Variants in ATAD2 observed in about 807,000 individuals in gnomAD.
ATAD2 encodes the protein ATPase family AAA domain-containing protein 2.
ATAD2 carries 62 observed loss-of-function variants against 168.9 expected under a neutral mutation model. The ratio of observed to expected loss-of-function variants is 0.37; its 90% CI spans 0.30 to 0.45. The LOEUF (loss-of-function observed/expected upper bound fraction) is 0.45, where lower values mean the gene tolerates loss of function less well. ATAD2 is among the 20% of genes least tolerant of loss of function. The pLI, the probability that ATAD2 is intolerant of heterozygous loss-of-function variation, is 1.00. For missense variants in ATAD2, 1,419 were observed against 1,667.8 expected, an observed-to-expected ratio of 0.85 and a Z score of 2.60; for synonymous variants, 613 against 571.6, an observed-to-expected ratio of 1.07 and a Z score of -1.03.
chr8:123,389,467 A>T (rs113563828), intron 1 of ATAD2, among the ~76,000 whole-genome samples: 4 of 150,662 alleles, frequency 2.7e-5, no homozygotes, highest in East Asian at 4.1e-4. Context: ...GTGAAAACCC[A>T]GTCTCTACTA....
chr8:123,329,449 G>T (rs1324291888), intron 24 of ATAD2, among the ~76,000 whole-genome samples: 1 of 152,000 alleles, frequency 6.6e-6, no homozygotes, highest in Non-Finnish European at 1.5e-5. Context: ...AGCCCCTTAT[G>T]TATGCTTACT....
intron 19 of ATAD2, among the ~76,000 whole-genome samples, chr8:123,344,052 A>G (rs1435620846): frequency 6.6e-6 from 1 of 152,216 alleles, no homozygotes; most frequent in Non-Finnish European, 1.5e-5. Context: ...TGATTCAGCT[A>G]CAGCTATTCC....
At chr8:123,336,343 C>T (rs1333578482) in intron 22 of ATAD2, 30 bp downstream of exon 22, 2 of 1,551,978 alleles carry the variant, frequency 1.3e-6, no homozygotes, top group Admixed American at 2.1e-5. Flanking sequence ...CCCAACTCAA[C>T]CCCCTGAAAA....
chr8:123,351,438 T>C lies in ATAD2; in HGVS notation c.1647-1994A>G, dbSNP rs994283077. Among the ~76,000 whole-genome samples, 5 of 152,094 alleles carry C rather than the reference T, an allele frequency of 3.3e-5. No individual in the cohort carries two copies. The South Asian group carries it at 6.3e-4, about 19-fold the overall frequency. On this transcript the variant is annotated intron_variant, in intron 13 of 27. Coordinates refer to ENST00000287394, the MANE Select transcript of ATAD2 (RefSeq NM_014109.4). ...ACAACCATAACTGTCTCTAGATATCTGTCCCTTCGGGGAGGGGGATGGCAT... is the reference window on the plus strand; with the variant it reads ...ACAACCATAACTGTCTCTAGATATCCGTCCCTTCGGGGAGGGGGATGGCAT...
chr8:123,354,926 T>C (rs1828593841), intron 13 of ATAD2, among the ~76,000 whole-genome samples: 1 of 147,694 alleles, frequency 6.8e-6, no homozygotes, highest in African/African-American at 2.5e-5. Flanking sequence ...ACTCTGTAAT[T>C]TTTTTGCCAA....
At position 123,396,388 on chromosome 8, in the gene ATAD2, A is replaced by C; in HGVS notation, c.-31T>G. The C allele has an allele frequency of 6.5e-7, 1 of 1,531,896 alleles. No individual in the cohort carries two copies. Among genetic ancestry groups the C allele is most frequent in the Non-Finnish European group, 8.8e-7 (1 of 1,140,778 alleles). The allele number at this position is 1,531,896 out of a possible 1,614,324, so 94.9% of individuals were successfully genotyped here. ...CTCCCTACTGGCCTCGGCGTGCGCG[A>C]CCGGAGAGAGATCCAGCTCCAGGCG... On this transcript the variant is annotated 5_prime_UTR_variant, in exon 1 of 28. Transcript: ENST00000287394.
chr8:123,384,631 A>G (rs1207801617), intron 1 of ATAD2, among the ~76,000 whole-genome samples: 1 of 152,242 alleles, frequency 6.6e-6, no homozygotes, highest in Non-Finnish European at 1.5e-5. Context: ...GGCCCATGCA[A>G]GGCATTTTCA....
intron 18 of ATAD2, among the ~76,000 whole-genome samples, 199 bp downstream of exon 18, chr8:123,345,887 A>C (rs553570542): frequency 6.6e-6 from 1 of 152,350 alleles, no homozygotes; most frequent in South Asian, 2.1e-4. Context: ...AACTTTACTA[A>C]GGTCACAAAG....
At chr8:123,323,426 A>G (rs143014382) in intron 26 of ATAD2, among the ~76,000 whole-genome samples, 12 of 152,218 alleles carry the variant, frequency 7.9e-5, no homozygotes, top group South Asian at 4.1e-4. Context: ...CATTTTAACT[A>G]ATTTTATTAT....
At chr8:123,372,726 A>C in intron 2 of ATAD2, 40 bp from the exon 3 acceptor site, 1 of 1,475,850 alleles carries the variant, frequency 6.8e-7, no homozygotes, top group African/African-American at 1.4e-5. Flanking sequence ...AATAATTGAC[A>C]TAACTTTATT....
At chr8:123,353,567 ATTTT>A (rs966836860) in intron 13 of ATAD2, among the ~76,000 whole-genome samples, 4 of 147,008 alleles carry the variant, frequency 2.7e-5, no homozygotes, top group Admixed American at 2.0e-4. Context: ...GATTCCAGTA[ATTTT>A]TTTTTTTTAT....
chr8:123,378,820 T>C (rs1169314622), intron 2 of ATAD2, among the ~76,000 whole-genome samples: 3 of 151,996 alleles, frequency 2.0e-5, no homozygotes, highest in African/African-American at 7.2e-5. Context: ...CGATTCTTTT[T>C]TTTTTTTGAA....
chr8:123,370,898 C>T lies in ATAD2; in HGVS notation c.727+5G>A. On this transcript the variant is annotated splice_donor_5th_base_variant and intron_variant, in intron 6 of 27. Coordinates refer to ENST00000287394, the MANE Select transcript of ATAD2 (RefSeq NM_014109.4). ...CCAGAAGACAGAACAAGAGAAGAGA[C>T]TAACCCACACTGCCTTCTTGATTAT... is the stretch of plus-strand genomic sequence containing the variant. 6.3e-7 allele frequency: 1 copy of T among 1,586,010 alleles called. No homozygotes were observed. The highest frequency in any genetic ancestry group is 8.6e-7 in the Non-Finnish European group (1 of 1,166,796).
chr8:123,394,743 T>C (rs1406458774), intron 1 of ATAD2, among the ~76,000 whole-genome samples: 1 of 152,226 alleles, frequency 6.6e-6, no homozygotes, highest in Non-Finnish European at 1.5e-5. Flanking sequence ...TCAATCAGTA[T>C]TGAAACACAT....
chr8:123,413,986 C>T (rs1283076905), intron 1 of ATAD2, among the ~76,000 whole-genome samples: 1 of 149,190 alleles, frequency 6.7e-6, no homozygotes, highest in Non-Finnish European at 1.5e-5. Context: ...ACCTCACCTC[C>T]ACAAGAAAAT....
Position 123,320,998 on chromosome 8 carries a change from G to C in ATAD2, c.*136C>G. The C allele has an allele frequency of 1.3e-6, 1 of 759,696 alleles. No individual in the cohort carries two copies. Among genetic ancestry groups the C allele is most frequent in the Non-Finnish European group, 2.1e-6 (1 of 467,562 alleles). The allele number at this position is 759,696 out of a possible 1,614,324, so 47.1% of individuals were successfully genotyped here. On this transcript the variant is annotated 3_prime_UTR_variant, in exon 28 of 28. Coordinates refer to ENST00000287394, the MANE Select transcript of ATAD2 (RefSeq NM_014109.4). ...TAATATGTACATAAATATCAGGAAA[G>C]TTTAAATACTTTTATTTTACTATTT...
In ATAD2 at chr8:123,339,373, T is replaced by G. The variant is rs1345492399; in HGVS notation, c.2792A>C (p.Lys931Thr). The change falls in exon 20 of 28, where the codon AAA becomes ACA. Residue 931 changes from lysine to threonine, a missense_variant. This residue lies in a region of ATAD2 where 545 missense variants were observed against 724.9 expected (regional missense o/e 0.75). Transcript: ENST00000287394. ...TTTTAGAATTAAATCTTCAAAAAAT[T>G]TTGTCCGTTCTTCTTTATCCGGTAA... ...VQLPDKEERTKFFEDLILKQA... is the reference protein window; with the variant it reads ...VQLPDKEERTTFFEDLILKQA... The G allele has an allele frequency of 1.8e-5, 29 of 1,601,492 alleles. No individual in the cohort carries two copies. The highest frequency in any genetic ancestry group is 2.4e-5 in the Non-Finnish European group (28 of 1,172,376).
intron 25 of ATAD2, among the ~76,000 whole-genome samples, chr8:123,327,573 C>T (rs912876632): frequency 6.6e-6 from 1 of 151,558 alleles, no homozygotes; most frequent in African/African-American, 2.4e-5. Flanking sequence ...AATTTTTGGC[C>T]CCATTATCCA....
chr8:123,373,016 C>A (rs1482944808), intron 2 of ATAD2, among the ~76,000 whole-genome samples: 1 of 151,974 alleles, frequency 6.6e-6, no homozygotes, highest in Non-Finnish European at 1.5e-5. Flanking sequence ...CCTCAGCTTC[C>A]CGAATAGTTG....
Sources: gnomAD v4.1 joint callset for allele counts (sites outside exome capture counted in the v4.1 genomes callset) on GRCh38, gnomAD v4.1.1 for gene constraint, gnomAD v4.1.1 regional missense constraint, MANE v1.5 for transcripts, NCBI Gene and HGNC (gene_info 2026-07-23, HGNC 2026-07-21) for gene names.